GALNT9: variants seen among roughly 807,000 people sequenced by gnomAD.
GALNT9 encodes polypeptide N-acetylgalactosaminyltransferase 9, also known as GalNAc transferase 9.
Under a neutral mutation model 63.1 loss-of-function variants are expected in GALNT9, and 47 were observed. The observed-to-expected ratio is 0.75, with a 90% CI of 0.59 to 0.95. The LOEUF is 0.95. GALNT9 is among the 40% of genes least tolerant of loss of function. GALNT9 has a pLI of 0.00. For missense variants in GALNT9, 829 were observed against 874.8 expected (o/e 0.95, Z 0.66); for synonymous variants, 396 against 365.7 (o/e 1.08, Z -0.94).
rs1364465150 is a variant in GALNT9, at chr12:132,329,223, G to T, written c.-20C>A. ...CGCCATGAACACGGCTGCAGCGGGG[G>T]CCTCACCCGCGGGGCATCCCCAGCA... On this transcript the variant is annotated 5_prime_UTR_variant, in exon 1 of 11. Coordinates refer to ENST00000328957, the MANE Select transcript of GALNT9 (RefSeq NM_001122636.2). The T allele has an allele frequency of 1.3e-6, 2 of 1,533,874 alleles. No individual in the cohort carries two copies. Among genetic ancestry groups the T allele is most frequent in the Non-Finnish European group, 1.8e-6 (2 of 1,134,978 alleles).
At chr12:132,225,591 T>C (rs1877638963) in intron 6 of GALNT9, among the ~76,000 whole-genome samples, 1 of 109,480 alleles carries the variant, frequency 9.1e-6, no homozygotes, top group African/African-American at 3.7e-5. Flanking sequence ...CACACCACAT[T>C]CTATATATAC....
rs1879548016 is a variant in GALNT9 at position 132,265,045 on chromosome 12, T to A, written c.420-2420A>T. Among the ~76,000 whole-genome samples the A allele has an allele frequency of 6.6e-6, 1 of 152,206 alleles. No individual in the cohort carries two copies. Among genetic ancestry groups the A allele is most frequent in the African/African-American group, 2.4e-5 (1 of 41,454 alleles). ...GTTGAAGCGTTTTTATTTAACTCCC[T>A]GTCGCCCACCTGCTGGCAAATGGAA... is the stretch of plus-strand genomic sequence containing the variant. On this transcript the variant is annotated intron_variant, in intron 2 of 10. Transcript: ENST00000328957. This position sits in a 1 kb window ranked among gnomAD's most constrained non-coding sequence, Gnocchi z 5.3.
At position 132,321,197 on chromosome 12, in the gene GALNT9, T is replaced by G. The variant is rs71439305; in HGVS notation, c.238+7769A>C. Among the ~76,000 whole-genome samples, 201 of 146,854 alleles carry G rather than the reference T, an allele frequency of 1.4e-3. 1 individual carries two copies. The highest frequency in any genetic ancestry group is 4.5e-3 in the African/African-American group (178 of 39,626). On this transcript the variant is annotated intron_variant, in intron 1 of 10. Coordinates refer to ENST00000328957, the MANE Select transcript of GALNT9 (RefSeq NM_001122636.2). ...GTGGGTCCGGAGTCGAGGCCCCTGT[T>G]GGTCCAGAGTCGAGGCCCCTGTGGG...
At chr12:132,274,621 A>G (rs1880005728) in intron 2 of GALNT9, 1 of 152,046 alleles carries the variant, frequency 6.6e-6, no homozygotes, top group Non-Finnish European at 1.5e-5. Context: ...AATTCATTGC[A>G]CTCAGCAGAG....
Position 132,327,874 on chromosome 12 carries a change from C to G in GALNT9, c.238+1092G>C, listed in dbSNP as rs1197885804. Among the ~76,000 whole-genome samples, 1 of 147,194 alleles carries G rather than the reference C, an allele frequency of 6.8e-6. No individual in the cohort carries two copies. The highest frequency in any genetic ancestry group is 1.5e-5 in the Non-Finnish European group (1 of 67,202). On this transcript the variant is annotated intron_variant, in intron 1 of 10. Transcript: ENST00000328957. The surrounding 1 kb of genome is among the most constrained non-coding windows in gnomAD (Gnocchi z 4.3). ...GAGAGGGTGTGGCTCCTGAAGGAAA[C>G]GCAAGACCACCCCCCGCCTTTGCCC...
intron 6 of GALNT9, chr12:132,205,926 G>A (rs148787681): frequency 0.018 from 2,730 of 152,368 alleles, 91 homozygotes; most frequent in African/African-American, 0.063. Flanking sequence ...GAAGCACCTC[G>A]GAGCCCTGCC....
chr12:132,302,935 T>A (rs1411552017), intron 1 of GALNT9, among the ~76,000 whole-genome samples: 1 of 151,490 alleles, frequency 6.6e-6, no homozygotes, highest in East Asian at 1.9e-4. Flanking sequence ...GGTCAGGTTT[T>A]CTATGCAGAG....
intron 6 of GALNT9, among the ~76,000 whole-genome samples, chr12:132,220,420 A>G (rs904987654): frequency 6.6e-6 from 1 of 152,200 alleles, no homozygotes; most frequent in African/African-American, 2.4e-5. Flanking sequence ...AATGAGAGAA[A>G]AGCATTAATC....
chr12:132,321,447 A>T (rs1868791357), intron 1 of GALNT9, among the ~76,000 whole-genome samples: 1 of 152,104 alleles, frequency 6.6e-6, no homozygotes, highest in Non-Finnish European at 1.5e-5. Flanking sequence ...CAAAACAGGC[A>T]CCCACAGTGT....
rs576896202 is a variant in GALNT9 at position 132,260,892 on chromosome 12, G to A, written c.761+56C>T. ...TGCAGCCGCACGGCGGCTTAGGAGG[G>A]GGATGGTGGAGGGGGACCCGCTGAG... On this transcript the variant is annotated intron_variant, in intron 4 of 10. Transcript: ENST00000328957. The A allele has an allele frequency of 2.1e-3, 3,074 of 1,463,014 alleles. 12 individuals carry two copies. The highest frequency in any genetic ancestry group is 1.9e-3 in the Non-Finnish European group (2,056 of 1,111,202). The allele number at this position is 1,463,014 out of a possible 1,614,324, so 90.6% of individuals were successfully genotyped here. A position where few individuals can be genotyped will look rare whatever the true frequency, so the allele number is the denominator to read the frequency against.
chr12:132,266,645 A>C (rs1258033928), intron 2 of GALNT9, among the ~76,000 whole-genome samples: 1 of 152,174 alleles, frequency 6.6e-6, no homozygotes, highest in Non-Finnish European at 1.5e-5. Context: ...CCACTCTGTG[A>C]TCTTGGGGTC....
intron 1 of GALNT9, among the ~76,000 whole-genome samples, chr12:132,317,601 C>G (rs1555245818): frequency 6.6e-6 from 1 of 152,238 alleles, no homozygotes; most frequent in Non-Finnish European, 1.5e-5. Flanking sequence ...CGTGTAAATA[C>G]AACATAATTT....
intron 1 of GALNT9, among the ~76,000 whole-genome samples, chr12:132,290,924 G>C (rs1438468222): frequency 0.11 from 711 of 6,366 alleles, no homozygotes; most frequent in Admixed American, 0.14. Context: ...CCCACATCCA[G>C]AGCACCCACG....
At chr12:132,208,759 G>A (rs1325733192) in intron 6 of GALNT9, among the ~76,000 whole-genome samples, 1 of 152,184 alleles carries the variant, frequency 6.6e-6, no homozygotes, top group Non-Finnish European at 1.5e-5. Context: ...CAAGGAAATG[G>A]TTGTCTTAGG....
chr12:132,197,338 T>G (rs1182739099), intron 10 of GALNT9, 85 bp from the exon 11 acceptor site: 1 of 1,552,920 alleles, frequency 6.4e-7, no homozygotes, highest in Admixed American at 1.8e-5. Context: ...CTTCGTGCTC[T>G]CAGCCCTCGT....
In GALNT9 at chr12:132,285,884, G is replaced by A. The variant is rs573929556; in HGVS notation, c.419+366C>T. On this transcript the variant is annotated intron_variant, in intron 2 of 10. Coordinates refer to ENST00000328957, the MANE Select transcript of GALNT9 (RefSeq NM_001122636.2). Reference sequence around the variant, plus strand: ...CAGAGAGATTGAGAGAAGGAGAGAGGGAGAGACAGAGAGAGACAGGAGAGA... The same window carrying A: ...CAGAGAGATTGAGAGAAGGAGAGAGAGAGAGACAGAGAGAGACAGGAGAGA... Among the ~76,000 whole-genome samples the A allele has an allele frequency of 2.6e-5, 4 of 152,220 alleles. No individual in the cohort carries two copies. In the East Asian group the frequency reaches 7.7e-4, roughly 29 times the overall value.
intron 2 of GALNT9, among the ~76,000 whole-genome samples, chr12:132,284,820 G>GCTAGAA (rs1880524171): frequency 6.6e-6 from 1 of 152,184 alleles, no homozygotes; most frequent in Non-Finnish European, 1.5e-5. Flanking sequence ...GCCCCACCTG[G>GCTAGAA]CTAGAACAGG....
Position 132,286,244 on chromosome 12 carries a change from A to G in GALNT9, c.419+6T>C. The G allele has an allele frequency of 6.5e-7, 1 of 1,547,192 alleles. No individual in the cohort carries two copies. Among genetic ancestry groups the G allele is most frequent in the African/African-American group, 1.4e-5 (1 of 72,816 alleles). ...GTCGGGGGATGGGGGGCAGTCACTC[A>G]CTCACTTTCTGGGCCGGTAGTCGGG... is the stretch of plus-strand genomic sequence containing the variant. On this transcript the variant is annotated splice_donor_region_variant and intron_variant, in intron 2 of 10. Transcript: ENST00000328957. This position sits in a 1 kb window ranked among gnomAD's most constrained non-coding sequence, Gnocchi z 7.4.
At chr12:132,321,338 C>T (rs77147702) in intron 1 of GALNT9, among the ~76,000 whole-genome samples, 15,777 of 152,130 alleles carry the variant, frequency 0.1, 905 homozygotes, top group South Asian at 0.15. Context: ...ATGAGTCGCC[C>T]GTCTCATCTG....
Sources: allele counts gnomAD v4.1 joint callset (sites outside exome capture counted in the v4.1 genomes callset), GRCh38; gene constraint gnomAD v4.1.1; non-coding constraint Gnocchi (gnomAD v3.1); transcripts MANE v1.5; gene names NCBI Gene and HGNC (gene_info 2026-07-23, HGNC 2026-07-21).